Variants in GABRA3 observed in about 807,000 individuals in gnomAD.
The protein encoded by GABRA3 is gamma-aminobutyric acid receptor subunit alpha-3.
GABRA3 carries 10 observed loss-of-function variants against 30.1 expected under a neutral mutation model. The ratio of observed to expected loss-of-function variants is 0.33; its 90% confidence interval spans 0.20 to 0.56. GABRA3 has a LOEUF of 0.56. GABRA3 is among the 20% of genes least tolerant of loss of function. The pLI is 0.89. For missense variants in GABRA3, 233 were observed against 392.0 expected, an observed-to-expected ratio of 0.59 and a Z score of 3.42; for synonymous variants, 151 against 146.8, an observed-to-expected ratio of 1.03 and a Z score of -0.21.
chrX:152,307,423 T>C (rs1320063421), intron 3 of GABRA3, among the ~76,000 whole-genome samples: 1 of 111,603 alleles, frequency 9.0e-6, no homozygotes, highest in Admixed American at 9.5e-5. Context: ...ATGGATTAAT[T>C]AGAAACTCTT....
chrX:152,424,862 C>G (rs12558209), intron 1 of GABRA3, among the ~76,000 whole-genome samples: 1 of 104,592 alleles, frequency 9.6e-6, no homozygotes, highest in Non-Finnish European at 1.9e-5. Context: ...TGCACAATTT[C>G]TTAACATTTG....
rs1323500374 is a variant in GABRA3, at chrX:152,358,073, T to C, written c.140+6358A>G. Among the ~76,000 whole-genome samples, 3 of 111,872 alleles carry C rather than the reference T, an allele frequency of 2.7e-5. No individual in the cohort carries two copies. The Admixed American group carries it at 2.8e-4, about 11-fold the overall frequency. On this transcript the variant is annotated intron_variant, in intron 2 of 9. Transcript: ENST00000370314. ...TCCATATACATTTTAAAATAGTTTT[T>C]TTCTAGTTCAGTAAAGAATGTCATT...
intron 4 of GABRA3, among the ~76,000 whole-genome samples, chrX:152,278,264 C>G (rs901116863): frequency 9.6e-6 from 1 of 104,573 alleles, no homozygotes; most frequent in African/African-American, 3.5e-5. Flanking sequence ...CCTTCTTCCC[C>G]CCACCCCACA....
chrX:152,433,305 AAAT>A (rs1247280744), intron 1 of GABRA3, among the ~76,000 whole-genome samples: 2 of 110,418 alleles, frequency 1.8e-5, no homozygotes, highest in Non-Finnish European at 3.8e-5. Flanking sequence ...ACAAGAAAAG[AAAT>A]AATACCTTAA....
At chrX:152,173,770 A>AATTT (rs762067911) in intron 9 of GABRA3, among the ~76,000 whole-genome samples, 356 of 110,196 alleles carry the variant, frequency 3.2e-3, no homozygotes, top group African/African-American at 7.2e-3. Flanking sequence ...GCGCCTGGCT[A>AATTT]ATTTATTTAT....
chrX:152,307,682 CA>C (rs1468287583), intron 3 of GABRA3, among the ~76,000 whole-genome samples: 4 of 111,260 alleles, frequency 3.6e-5, no homozygotes, highest in Non-Finnish European at 5.7e-5. Flanking sequence ...GATGCAAAGT[CA>C]GGGGTGAAAT....
At chrX:152,275,728 C>T (rs868795570) in intron 4 of GABRA3, among the ~76,000 whole-genome samples, 3 of 107,746 alleles carry the variant, frequency 2.8e-5, no homozygotes, top group African/African-American at 6.7e-5. Flanking sequence ...AACTGCACTC[C>T]GGCCTGGACA....
chrX:152,398,261 C>A (rs994808011), intron 1 of GABRA3, among the ~76,000 whole-genome samples: 2 of 53,996 alleles, frequency 3.7e-5, no homozygotes, highest in African/African-American at 7.7e-5. Context: ...GTTTTTCCAC[C>A]TTTTTTTTTT....
At position 152,395,101 on chromosome X, in the gene GABRA3, T is replaced by C. The variant is rs756090403; in HGVS notation, c.-26-30505A>G. Among the ~76,000 whole-genome samples, 14 of 110,407 alleles carry C rather than the reference T, an allele frequency of 1.3e-4. No individual in the cohort carries two copies. The South Asian group carries it at 5.0e-3, about 40-fold the overall frequency. ...TTAATGACTTTGGCCCAAGAGAAGA[T>C]GACAGTGGTACAAAAAAAAGACTCA... is the stretch of plus-strand genomic sequence containing the variant. On this transcript the variant is annotated intron_variant, in intron 1 of 9. Transcript: ENST00000370314.
chrX:152,289,628 C>A (rs750067533), intron 3 of GABRA3, among the ~76,000 whole-genome samples: 12 of 111,053 alleles, frequency 1.1e-4, no homozygotes, highest in South Asian at 7.7e-4. Context: ...TAATTCATCA[C>A]TTACATTAGG....
At chrX:152,402,216 T>A (rs1174271920) in intron 1 of GABRA3, among the ~76,000 whole-genome samples, 1 of 111,796 alleles carries the variant, frequency 8.9e-6, no homozygotes, top group Non-Finnish European at 1.9e-5. Flanking sequence ...AATCTCCTAT[T>A]CCAGAAGCTG....
At chrX:152,287,391 C>T (rs991038189) in intron 3 of GABRA3, among the ~76,000 whole-genome samples, 11 of 110,303 alleles carry the variant, frequency 1.0e-4, no homozygotes, top group African/African-American at 3.0e-4. Context: ...ATCATGGGGG[C>T]GGTTTTCCCC....
intron 3 of GABRA3, among the ~76,000 whole-genome samples, chrX:152,315,833 G>A (rs1647790258): frequency 9.2e-6 from 1 of 108,482 alleles, no homozygotes; most frequent in African/African-American, 3.4e-5. Flanking sequence ...CCCCACAGCA[G>A]CCACAGCAAG....
chrX:152,219,943 GTTTAC>G (rs1452542282), intron 6 of GABRA3, among the ~76,000 whole-genome samples: 3 of 111,090 alleles, frequency 2.7e-5, no homozygotes, highest in South Asian at 7.5e-4. Context: ...GTGTAGTGCT[GTTTAC>G]TTTATTAAGA....
intron 7 of GABRA3, among the ~76,000 whole-genome samples, chrX:152,204,040 G>C (rs1373690809): frequency 9.0e-6 from 1 of 111,724 alleles, no homozygotes; most frequent in East Asian, 2.8e-4. Context: ...AAGAAAGAAG[G>C]TGAGGATATG....
In GABRA3 at chrX:152,290,518, T is replaced by C. The variant is rs192349996; in HGVS notation, c.263-5783A>G. 7.0e-4 allele frequency among the ~76,000 whole-genome samples: 78 copies of C among 112,189 alleles called. 2 individuals carry two copies. In the East Asian group the frequency reaches 0.02, roughly 29 times the overall value. The stretch of plus-strand genomic sequence containing the variant: ...GCTGTGCAGAAGCTCTTTAGTTTAA[T>C]TAGATCCCATTTGTCAATTTTGGCT... On this transcript the variant is annotated intron_variant, in intron 3 of 9. Transcript: ENST00000370314.
At chrX:152,225,250 T>C (rs771941241) in intron 5 of GABRA3, among the ~76,000 whole-genome samples, 1 of 110,629 alleles carries the variant, frequency 9.0e-6, no homozygotes, top group Middle Eastern at 4.6e-3. Flanking sequence ...ATTTAAAGAT[T>C]GCACTGAAGA....
At chrX:152,428,814 T>C (rs981478860) in intron 1 of GABRA3, among the ~76,000 whole-genome samples, 6 of 111,904 alleles carry the variant, frequency 5.4e-5, no homozygotes, top group Non-Finnish European at 1.1e-4. Flanking sequence ...TTGGCAAGCA[T>C]ACACCCACTA....
chrX:152,364,513 T>A lies in GABRA3; in HGVS notation c.58A>T (p.Ile20Phe), dbSNP rs746277466. 2.9e-5 allele frequency: 35 copies of A among 1,206,257 alleles called. No homozygotes were observed. In the African/African-American group the frequency reaches 5.8e-4, roughly 20 times the overall value. ...YMTSLGILFL[I>F]NILPGTTGQG... ...CCAGTGGTTCCAGGGAGAATATTAA[T>A]CAGGAAAAGAATCCCAAGGCTGGTC... Residue 20 changes from isoleucine (I) to phenylalanine (F), a missense_variant, in exon 2 of 10, where the codon ATT becomes TTT. Transcript: ENST00000370314.
Sources: gnomAD v4.1 joint callset for allele counts (sites outside exome capture counted in the v4.1 genomes callset) on GRCh38, gnomAD v4.1.1 for gene constraint, MANE v1.5 for transcripts, NCBI Gene and HGNC (gene_info 2026-07-23, HGNC 2026-07-21) for gene names.